ISG15: variants seen among roughly 807,000 people sequenced by gnomAD.
ISG15 encodes ubiquitin-like protein ISG15.
ISG15 carries 2 observed loss-of-function variants against 2.4 expected under a neutral mutation model. The ratio of observed to expected loss-of-function variants is 0.82; its 90% CI spans 0.33 to 2.57. ISG15 has a LOEUF of 2.57. Ranked by LOEUF, ISG15 falls within the 30% of genes most tolerant of loss-of-function variation. The probability of loss-of-function intolerance (pLI) is 0.11; values close to 1 mark genes in which losing one functional copy is unlikely to be tolerated. For synonymous variants in ISG15, 116 were observed against 108.1 expected (o/e 1.07, Z -0.45); for missense variants, 224 against 228.4 (o/e 0.98, Z 0.13).
rs148041041 is a variant in ISG15, at chr1:1,014,111, G to A, written c.131G>A (p.Arg44His). 6.3e-5 allele frequency: 102 copies of A among 1,613,292 alleles called. No individual in the cohort carries two copies. In the African/African-American group the frequency reaches 7.6e-4, roughly 12 times the overall value. ...QKIGVHAFQQRLAVHPSGVAL... is the reference protein window; with the variant it reads ...QKIGVHAFQQHLAVHPSGVAL... Reference sequence around the variant, plus strand: ...ATCGGCGTGCACGCCTTCCAGCAGCGTCTGGCTGTCCACCCGAGCGGTGTG... The same window carrying A: ...ATCGGCGTGCACGCCTTCCAGCAGCATCTGGCTGTCCACCCGAGCGGTGTG... Residue 44 changes from arginine (R) to histidine (H), a missense_variant, in exon 2 of 2, where the codon CGT becomes CAT. Arg to His is a conservative substitution (Grantham distance 29). Transcript: ENST00000649529.
At chr1:1,013,597 G>A (rs765215109) in intron 1 of ISG15, 21 bp downstream of exon 1, 3 of 1,612,320 alleles carry the variant, frequency 1.9e-6, no homozygotes, top group Middle Eastern at 1.7e-4. Flanking sequence ...TGTCACAGGT[G>A]GGGGGAGGTG....
At chr1:1,013,627 T>A in intron 1 of ISG15, 51 bp downstream of exon 1, 5 of 1,602,174 alleles carry the variant, frequency 3.1e-6, no homozygotes, top group Non-Finnish European at 4.3e-6. Context: ...CCAGCCAATT[T>A]TCGTCTCCCT....
In ISG15 at chr1:1,013,888, G is replaced by A. The variant is rs1033087485; in HGVS notation, c.4-96G>A. 1.3e-5 allele frequency: 19 copies of A among 1,466,144 alleles called. No homozygotes were observed. The African/African-American group carries it at 2.2e-4, about 17-fold the overall frequency. The allele number at this position is 1,466,144 out of a possible 1,614,324, so 90.8% of individuals were successfully genotyped here. ...TAGAGGACAGACAGGAGGGAGCACT[G>A]TCCCTGGGTACAGGAGCTCGCCCTG... is the stretch of plus-strand genomic sequence containing the variant. On this transcript the variant is annotated intron_variant, in intron 1 of 1. Transcript: ENST00000649529.
In ISG15 at chr1:1,014,108, A is replaced by G. The variant is rs757512813; in HGVS notation, c.128A>G (p.Gln43Arg). ...TQKIGVHAFQ[Q>R]RLAVHPSGVA... is the part of the protein sequence containing the mutation. ...AAGATCGGCGTGCACGCCTTCCAGC[A>G]GCGTCTGGCTGTCCACCCGAGCGGT... is the stretch of plus-strand genomic sequence containing the variant. Residue 43 changes from glutamine to arginine, a missense_variant, in exon 2 of 2, where the codon CAG (glutamine) becomes CGG (arginine). Coordinates refer to ENST00000649529, the MANE Select transcript of ISG15 (RefSeq NM_005101.4). The G allele has an allele frequency of 6.2e-7, 1 of 1,613,266 alleles. No individual in the cohort carries two copies. The highest frequency in any genetic ancestry group is 8.5e-7 in the Non-Finnish European group (1 of 1,179,742).
Position 1,014,395 on chromosome 1 carries a change from G to C in ISG15, c.415G>C (p.Glu139Gln). 1.2e-6 allele frequency: 2 copies of C among 1,613,280 alleles called. No individual in the cohort carries two copies. The highest frequency in any genetic ancestry group is 1.7e-6 in the Non-Finnish European group (2 of 1,180,024). Residue 139 changes from glutamate (E) to glutamine (Q), a missense_variant, in exon 2 of 2, where the codon GAG becomes CAG. Transcript: ENST00000649529. ...CCTGGAGGACCAGCTCCCGCTGGGG[G>C]AGTACGGCCTCAAGCCCCTGAGCAC... ...KPLEDQLPLG[E>Q]YGLKPLSTVF...
rs370521109 is a variant in ISG15, at chr1:1,014,496, C to G, written c.*18C>G. 5 of 1,585,232 alleles carry G rather than the reference C, an allele frequency of 3.2e-6. No individual in the cohort carries two copies. The highest frequency in any genetic ancestry group is 4.3e-6 in the Non-Finnish European group (5 of 1,163,936). ...GGAGCTAAGGGCCTCCACCAGCATC[C>G]GAGCAGGATCAAGGGCCGGAAATAA... On this transcript the variant is annotated 3_prime_UTR_variant, in exon 2 of 2. Transcript: ENST00000649529.
At position 1,014,435 on chromosome 1, in the gene ISG15, T is replaced by A; in HGVS notation, c.455T>A (p.Leu152Gln). 6.2e-7 allele frequency: 1 copy of A among 1,610,492 alleles called. No homozygotes were observed. Among genetic ancestry groups the A allele is most frequent in the South Asian group, 1.1e-5 (1 of 91,056 alleles). The change falls in exon 2 of 2, where the codon CTG (leucine) becomes CAG (glutamine). Residue 152 changes from leucine (L) to glutamine (Q), a missense_variant. By Grantham distance (113) the Leu-to-Gln change is moderately radical. Transcript: ENST00000649529. ...CCCCTGAGCACCGTGTTCATGAATCTGCGCCTGCGGGGAGGCGGCACAGAG... is the reference window on the plus strand; with the variant it reads ...CCCCTGAGCACCGTGTTCATGAATCAGCGCCTGCGGGGAGGCGGCACAGAG... ...LKPLSTVFMN[L>Q]RLRGGGTEPG...
intron 1 of ISG15, 118 bp downstream of exon 1, chr1:1,013,694 C>T: frequency 8.1e-7 from 1 of 1,233,982 alleles, no homozygotes; most frequent in South Asian, 1.3e-5. Flanking sequence ...AGAGCTTGGC[C>T]AGGTTCTAAG....
In ISG15 at chr1:1,014,020, G is replaced by C. The variant is rs367621226; in HGVS notation, c.40G>C (p.Glu14Gln). Reference protein sequence around the residue: ...DLTVKMLAGNEFQVSLSSSMS... With the variant: ...DLTVKMLAGNQFQVSLSSSMS... ...GACGGTGAAGATGCTGGCGGGCAAC[G>C]AATTCCAGGTGTCCCTGAGCAGCTC... The change falls in exon 2 of 2, where the codon GAA becomes CAA. Residue 14 changes from glutamate to glutamine, a missense_variant. Glu to Gln is a conservative substitution (Grantham distance 29). Coordinates refer to ENST00000649529, the MANE Select transcript of ISG15 (RefSeq NM_005101.4). The C allele has an allele frequency of 3.7e-6, 6 of 1,604,488 alleles. No homozygotes were observed. Among genetic ancestry groups the C allele is most frequent in the Admixed American group, 1.7e-5 (1 of 59,840 alleles).
rs751872916 is a variant in ISG15 at position 1,014,510 on chromosome 1, G to T, written c.*32G>T. Reference sequence around the variant, plus strand: ...CCACCAGCATCCGAGCAGGATCAAGGGCCGGAAATAAAGGCTGTTGTAAAG... The same window carrying T: ...CCACCAGCATCCGAGCAGGATCAAGTGCCGGAAATAAAGGCTGTTGTAAAG... On this transcript the variant is annotated 3_prime_UTR_variant, in exon 2 of 2. Coordinates refer to ENST00000649529, the MANE Select transcript of ISG15 (RefSeq NM_005101.4). The T allele has an allele frequency of 6.4e-7, 1 of 1,565,886 alleles. No individual in the cohort carries two copies. The highest frequency in any genetic ancestry group is 1.8e-5 in the Admixed American group (1 of 54,680).
chr1:1,013,883 G>A (rs2100541688), intron 1 of ISG15, 101 bp from the exon 2 acceptor site: 12 of 1,431,322 alleles, frequency 8.4e-6, no homozygotes, highest in Non-Finnish European at 1.1e-5. Context: ...ACAGGAGGGA[G>A]CACTGTCCCT....
Position 1,014,459 on chromosome 1 carries a change from A to AGCCCGT in ISG15, c.482_483insCGTGCC (p.Pro161_Gly162insValPro), listed in dbSNP as rs747304757. 2.4e-5 allele frequency: 39 copies of AGCCCGT among 1,606,426 alleles called. No homozygotes were observed. In the South Asian group the frequency reaches 4.3e-4, roughly 18 times the overall value. The stretch of plus-strand genomic sequence containing the variant: ...CTGCGCCTGCGGGGAGGCGGCACAG[A>AGCCCGT]GCCTGGCGGGCGGAGCTAAGGGCCT... On this transcript the variant is annotated inframe_insertion, in exon 2 of 2. Transcript: ENST00000649529.
chr1:1,014,406 C>G lies in ISG15; in HGVS notation c.426C>G (p.Leu142=), dbSNP rs1644251852. The change falls in exon 2 of 2, where the codon CTC becomes CTG. Residue 142 remains leucine (L), a synonymous_variant. Transcript: ENST00000649529. ...EDQLPLGEYG[L]KPLSTVFMNL... is the part of the protein sequence containing the mutation. ...AGCTCCCGCTGGGGGAGTACGGCCT[C>G]AAGCCCCTGAGCACCGTGTTCATGA... 3 of 1,613,168 alleles carry G rather than the reference C, an allele frequency of 1.9e-6. No homozygotes were observed. The highest frequency in any genetic ancestry group is 2.5e-6 in the Non-Finnish European group (3 of 1,180,010).
rs754633014 is a variant in ISG15, at chr1:1,014,400, C to T, written c.420C>T (p.Tyr140=). ...AGGACCAGCTCCCGCTGGGGGAGTACGGCCTCAAGCCCCTGAGCACCGTGT... is the reference window on the plus strand; with the variant it reads ...AGGACCAGCTCCCGCTGGGGGAGTATGGCCTCAAGCCCCTGAGCACCGTGT... The part of the protein sequence containing the change: ...PLEDQLPLGE[Y]GLKPLSTVFM... Residue 140 remains tyrosine (Y), a synonymous_variant, in exon 2 of 2, where the codon TAC becomes TAT. Transcript: ENST00000649529. The T allele has an allele frequency of 3.0e-5, 49 of 1,613,190 alleles. 1 individual carries two copies. The Middle Eastern group carries it at 2.5e-3, about 81-fold the overall frequency.
chr1:1,013,561 A>C lies in ISG15; in HGVS notation c.-13A>C. Reference sequence around the variant, plus strand: ...GAGCTTGTGCCGTGGCCCACAGCCCACAGCCCACAGCCATGGTAAGGCAGA... The same window carrying C: ...GAGCTTGTGCCGTGGCCCACAGCCCCCAGCCCACAGCCATGGTAAGGCAGA... On this transcript the variant is annotated 5_prime_UTR_variant, in exon 1 of 2. Coordinates refer to ENST00000649529, the MANE Select transcript of ISG15 (RefSeq NM_005101.4). 1 of 1,613,482 alleles carries C rather than the reference A, an allele frequency of 6.2e-7. No individual in the cohort carries two copies. The highest frequency in any genetic ancestry group is 8.5e-7 in the Non-Finnish European group (1 of 1,179,848).
At position 1,014,031 on chromosome 1, in the gene ISG15, G is replaced by A. The variant is rs1181734692; in HGVS notation, c.51G>A (p.Val17=). 1 of 1,608,234 alleles carries A rather than the reference G, an allele frequency of 6.2e-7. No homozygotes were observed. The highest frequency in any genetic ancestry group is 8.5e-7 in the Non-Finnish European group (1 of 1,175,622). Residue 17 remains valine (V), a synonymous_variant, in exon 2 of 2, where the codon GTG becomes GTA. Transcript: ENST00000649529. The part of the protein sequence containing the change: ...VKMLAGNEFQ[V]SLSSSMSVSE... ...TGCTGGCGGGCAACGAATTCCAGGT[G>A]TCCCTGAGCAGCTCCATGTCGGTGT...
intron 1 of ISG15, 121 bp downstream of exon 1, chr1:1,013,697 G>T: frequency 1.7e-6 from 2 of 1,165,268 alleles, no homozygotes; most frequent in Admixed American, 4.2e-5. Flanking sequence ...GCTTGGCCAG[G>T]TTCTAAGTGT....
chr1:1,014,253 C>T lies in ISG15; in HGVS notation c.273C>T (p.Gly91=), dbSNP rs1156856972. The change falls in exon 2 of 2, where the codon GGC becomes GGT. Residue 91 remains glycine, a synonymous_variant. Transcript: ENST00000649529. The part of the protein sequence containing the change: ...PLSILVRNNK[G]RSSTYEVRLT... ...GCATCCTGGTGAGGAATAACAAGGGCCGCAGCAGCACCTACGAGGTACGGC... is the reference window on the plus strand; with the variant it reads ...GCATCCTGGTGAGGAATAACAAGGGTCGCAGCAGCACCTACGAGGTACGGC... 6.2e-7 allele frequency: 1 copy of T among 1,613,616 alleles called. No homozygotes were observed. The highest frequency in any genetic ancestry group is 1.1e-5 in the South Asian group (1 of 91,092).
Position 1,014,376 on chromosome 1 carries a change from G to A in ISG15, c.396G>A (p.Glu132=), listed in dbSNP as rs1644251486. 1.2e-6 allele frequency: 2 copies of A among 1,613,346 alleles called. No individual in the cohort carries two copies. Among genetic ancestry groups the A allele is most frequent in the African/African-American group, 1.3e-5 (1 of 74,950 alleles). Residue 132 remains glutamate (E), a synonymous_variant, in exon 2 of 2, where the codon GAG becomes GAA. Coordinates refer to ENST00000649529, the MANE Select transcript of ISG15 (RefSeq NM_005101.4). Reference sequence around the variant, plus strand: ...TGACCTTCGAGGGGAAGCCCCTGGAGGACCAGCTCCCGCTGGGGGAGTACG... The same window carrying A: ...TGACCTTCGAGGGGAAGCCCCTGGAAGACCAGCTCCCGCTGGGGGAGTACG... The part of the protein sequence containing the change: ...FWLTFEGKPL[E]DQLPLGEYGL...
Sources: allele counts gnomAD v4.1 joint callset, GRCh38; gene constraint gnomAD v4.1.1; transcripts MANE v1.5; gene names NCBI Gene and HGNC (gene_info 2026-07-23, HGNC 2026-07-21).